TANC2: variants seen among roughly 807,000 people sequenced by gnomAD.
TANC2 encodes the protein protein TANC2.
TANC2 carries 26 observed loss-of-function variants against 210.5 expected under a neutral mutation model. The observed-to-expected ratio is 0.12, with a 90% confidence interval of 0.09 to 0.17. The LOEUF (loss-of-function observed/expected upper bound fraction) is 0.17. TANC2 is among the 10% of genes least tolerant of loss of function. The pLI, the probability that TANC2 is intolerant of heterozygous loss-of-function variation, is 1.00. For synonymous variants in TANC2, 931 were observed against 967.1 expected, an observed-to-expected ratio of 0.96 and a Z score of 0.69; for missense variants, 2,129 against 2,608.9, an observed-to-expected ratio of 0.82 and a Z score of 4.01.
intron 7 of TANC2, among the ~76,000 whole-genome samples, chr17:63,210,867 A>C (rs1390016873): frequency 6.6e-6 from 1 of 152,084 alleles, no homozygotes; most frequent in East Asian, 1.9e-4. Context: ...TTTCTTTTTG[A>C]ATCAGTTTCC....
rs965086508 is a variant in TANC2 at position 63,025,640 on chromosome 17, A to T, written c.67+16014A>T. On this transcript the variant is annotated intron_variant, in intron 2 of 27. Transcript: ENST00000689528. ...GCGAAACTTCATCTCTACTAAAAAT[A>T]AAAAAATTAGCTGAGTGTGGTGGCA... is the stretch of plus-strand genomic sequence containing the variant. 4.6e-5 allele frequency among the ~76,000 whole-genome samples: 7 copies of T among 151,796 alleles called. No individual in the cohort carries two copies. The South Asian group carries it at 1.5e-3, about 32-fold the overall frequency.
At chr17:63,406,093 C>T in intron 20 of TANC2, 61 bp from the exon 21 acceptor site, 3 of 1,599,524 alleles carry the variant, frequency 1.9e-6, no homozygotes, top group Non-Finnish European at 1.7e-6. Flanking sequence ...AGATAGTGTG[C>T]ACGTGTCTTC....
intron 1 of TANC2, among the ~76,000 whole-genome samples, chr17:63,007,576 C>T (rs2033676490): frequency 6.6e-6 from 1 of 151,930 alleles, no homozygotes; most frequent in Non-Finnish European, 1.5e-5. Flanking sequence ...TTTACTTATT[C>T]TTTTTATCTC....
At chr17:63,349,147 G>A (rs2046513483) in intron 12 of TANC2, among the ~76,000 whole-genome samples, 1 of 151,742 alleles carries the variant, frequency 6.6e-6, no homozygotes, top group South Asian at 2.1e-4. Context: ...GAATTTAGAA[G>A]AATAAAATTA....
At chr17:63,008,392 T>C (rs1028800026) in intron 1 of TANC2, among the ~76,000 whole-genome samples, 4 of 152,144 alleles carry the variant, frequency 2.6e-5, no homozygotes, top group Admixed American at 2.0e-4. Flanking sequence ...CTCTATGCTT[T>C]GGTTTGGATA....
chr17:63,027,416 A>G (rs999434215), intron 2 of TANC2, among the ~76,000 whole-genome samples: 1 of 152,064 alleles, frequency 6.6e-6, no homozygotes, highest in Non-Finnish European at 1.5e-5. Context: ...TTTCATAGGT[A>G]TATTTTGATA....
intron 14 of TANC2, among the ~76,000 whole-genome samples, chr17:63,374,093 A>G (rs1248905949): frequency 7.1e-6 from 1 of 141,266 alleles, no homozygotes; most frequent in Non-Finnish European, 1.5e-5. Flanking sequence ...CTGGAGTGCA[A>G]CGGTGTAATC....
chr17:63,261,019 G>A (rs771032219), intron 8 of TANC2, among the ~76,000 whole-genome samples: 1 of 151,894 alleles, frequency 6.6e-6, no homozygotes, highest in Non-Finnish European at 1.5e-5. Context: ...ATCATTTGAG[G>A]CCAGGGGTTC....
exon 28 of TANC2, chr17:63,425,680 G>C (rs918068959): frequency 2.6e-5 from 4 of 152,250 alleles, no homozygotes; most frequent in Admixed American, 2.0e-4. Flanking sequence ...GGGCTCAGAG[G>C]TTCAGGAGAA....
At chr17:63,176,206 G>A (rs552816495) in intron 5 of TANC2, among the ~76,000 whole-genome samples, 1 of 152,280 alleles carries the variant, frequency 6.6e-6, no homozygotes, top group South Asian at 2.1e-4. Context: ...TTTCCAAAGA[G>A]AAATTAAAAT....
At chr17:62,973,962 A>G (rs2031855358) in intron 1 of TANC2, among the ~76,000 whole-genome samples, 1 of 152,248 alleles carries the variant, frequency 6.6e-6, no homozygotes, top group African/African-American at 2.4e-5. Context: ...TGGGTGCAGC[A>G]GCAGAGTTGA....
intron 2 of TANC2, among the ~76,000 whole-genome samples, chr17:63,060,718 G>T (rs2035967234): frequency 1.3e-5 from 2 of 152,014 alleles, no homozygotes; most frequent in Non-Finnish European, 2.9e-5. Context: ...TAGTTATTTT[G>T]TTGGCTTAAA....
chr17:63,325,804 C>T (rs2045628910), intron 11 of TANC2, among the ~76,000 whole-genome samples: 2 of 152,140 alleles, frequency 1.3e-5, no homozygotes, highest in Non-Finnish European at 2.9e-5. Flanking sequence ...TCATGTGTTC[C>T]GGGAATGAAT....
At chr17:63,394,367 G>T (rs2048087659) in intron 17 of TANC2, among the ~76,000 whole-genome samples, 3 of 152,084 alleles carry the variant, frequency 2.0e-5, no homozygotes, top group African/African-American at 7.2e-5. Context: ...ATTAATTTTT[G>T]AGCATTTTCA....
chr17:63,079,189 C>T (rs79266524), intron 3 of TANC2, among the ~76,000 whole-genome samples: 3,632 of 152,270 alleles, frequency 0.024, 58 homozygotes, highest in Non-Finnish European at 0.038. Flanking sequence ...GGATTTCCCC[C>T]ATTCACGCAG....
intron 1 of TANC2, among the ~76,000 whole-genome samples, chr17:62,985,004 G>A (rs182563583): frequency 6.6e-6 from 1 of 152,244 alleles, no homozygotes; most frequent in East Asian, 1.9e-4. Flanking sequence ...ATGTTTCTTT[G>A]TTGACTTTGT....
At chr17:63,135,312 T>A (rs1301801434) in intron 4 of TANC2, among the ~76,000 whole-genome samples, 1 of 152,242 alleles carries the variant, frequency 6.6e-6, no homozygotes, top group East Asian at 1.9e-4. Context: ...AGATTGAATT[T>A]GTAAATATGT....
intron 14 of TANC2, among the ~76,000 whole-genome samples, chr17:63,356,473 G>T (rs1489244528): frequency 6.6e-6 from 1 of 152,150 alleles, no homozygotes; most frequent in Non-Finnish European, 1.5e-5. Flanking sequence ...TCATGCTGGG[G>T]TTTTATTGCC....
At chr17:63,300,910 G>C (rs1425069287) in intron 9 of TANC2, among the ~76,000 whole-genome samples, 2 of 152,116 alleles carry the variant, frequency 1.3e-5, no homozygotes, top group Non-Finnish European at 2.9e-5. Flanking sequence ...TATCAGCTGT[G>C]GGTTTGTCAT....
Sources: allele counts gnomAD v4.1 joint callset (sites outside exome capture counted in the v4.1 genomes callset), GRCh38; gene constraint gnomAD v4.1.1; transcripts MANE v1.5; gene names NCBI Gene and HGNC (gene_info 2026-07-23, HGNC 2026-07-21).